Variants in GPHN observed in about 807,000 individuals in gnomAD.
GPHN encodes gephyrin.
A neutral mutation model predicts 95.5 loss-of-function variants in GPHN; 17 were observed. The observed-to-expected ratio is 0.18, with a 90% CI of 0.12 to 0.27. GPHN has a LOEUF of 0.27. Among genes scored for constraint, GPHN ranks in the 10% least tolerant of loss-of-function variants. GPHN has a pLI of 1.00. For synonymous variants in GPHN, 320 were observed against 322.5 expected, an observed-to-expected ratio of 0.99 and a Z score of 0.08; for missense variants, 660 against 978.1, an observed-to-expected ratio of 0.67 and a Z score of 4.34.
the GPHN span, among the ~76,000 whole-genome samples, chr14:67,496,421 T>TTTTTTTG: frequency 8.5e-6 from 1 of 117,498 alleles, no homozygotes; most frequent in African/African-American, 3.5e-5. Flanking sequence ...TTTTTTTTTT[T>TTTTTTTG]GAGACAGGGT....
At chr14:67,695,431 T>C in the GPHN span, among the ~76,000 whole-genome samples, 3 of 152,080 alleles carry the variant, frequency 2.0e-5, no homozygotes, top group East Asian at 1.9e-4. Flanking sequence ...ACTGCCGCCC[T>C]TTCTCACCGC....
chr14:67,674,445 G>C, the GPHN span: 1 of 1,609,396 alleles, frequency 6.2e-7, no homozygotes, highest in East Asian at 2.2e-5. Context: ...GGAAGATCTC[G>C]TGCAGCTTCT....
At chr14:67,387,462 C>CAAAAAAAA in the GPHN span, 1 of 1,595,658 alleles carries the variant, frequency 6.3e-7, no homozygotes, top group Non-Finnish European at 8.5e-7. Context: ...AACCCCTAGG[C>CAAAAAAAA]AGAAAAAAGG....
intron 10 of GPHN, among the ~76,000 whole-genome samples, chr14:67,056,027 C>T (rs1179913582): frequency 2.0e-5 from 3 of 152,178 alleles, no homozygotes; most frequent in Non-Finnish European, 2.9e-5. Flanking sequence ...AAAGGCAGCA[C>T]GGACCCAAAG....
At chr14:66,522,420 G>A (rs1164934744) in intron 1 of GPHN, among the ~76,000 whole-genome samples, 1 of 152,166 alleles carries the variant, frequency 6.6e-6, no homozygotes, top group Non-Finnish European at 1.5e-5. Flanking sequence ...TCAAATAAAT[G>A]TGGAAAGTGC....
intron 9 of GPHN, among the ~76,000 whole-genome samples, chr14:66,976,028 C>T (rs2070195016): frequency 6.6e-6 from 1 of 152,086 alleles, no homozygotes; most frequent in South Asian, 2.1e-4. Flanking sequence ...TATTTTTAAG[C>T]CCTTCTCTCT....
chr14:67,023,767 G>A (rs1829464031), intron 10 of GPHN, 92 bp downstream of exon 10: 2 of 1,025,756 alleles, frequency 1.9e-6, no homozygotes, highest in South Asian at 1.3e-5. Flanking sequence ...AAAAGCAATG[G>A]GGAATATTTA....
intron 2 of GPHN, among the ~76,000 whole-genome samples, chr14:66,694,384 T>C (rs1416857800): frequency 1.3e-5 from 2 of 152,240 alleles, no homozygotes; most frequent in East Asian, 1.9e-4. Flanking sequence ...CAGTCCATGG[T>C]ATTTTTTAAA....
chr14:67,640,000 A>G, the GPHN span, among the ~76,000 whole-genome samples: 2 of 151,288 alleles, frequency 1.3e-5, no homozygotes, highest in African/African-American at 4.8e-5. Flanking sequence ...AAGACTTGAT[A>G]TTGACTTGAA....
At chr14:67,345,427 C>T in the GPHN span, among the ~76,000 whole-genome samples, 4 of 151,438 alleles carry the variant, frequency 2.6e-5, no homozygotes, top group Non-Finnish European at 5.9e-5. Context: ...CATGGTGGCA[C>T]ATGTCTGTAA....
the GPHN span, among the ~76,000 whole-genome samples, chr14:67,387,707 C>T: frequency 3.4e-4 from 51 of 152,200 alleles, no homozygotes; most frequent in Non-Finnish European, 6.3e-4. Context: ...TGCCTGCTCC[C>T]TATGCTCAAG....
intron 1 of GPHN, among the ~76,000 whole-genome samples, chr14:66,589,499 C>T (rs984087294): frequency 5.3e-5 from 8 of 150,704 alleles, no homozygotes; most frequent in African/African-American, 1.5e-4. Context: ...TGATCTCAAT[C>T]CTAGTCTCTG....
the GPHN span, among the ~76,000 whole-genome samples, chr14:67,411,064 C>A: frequency 6.7e-6 from 1 of 148,822 alleles, no homozygotes; most frequent in African/African-American, 2.5e-5. Flanking sequence ...AGAGGACCAC[C>A]TGAGCCTGGG....
At position 67,159,418 on chromosome 14, in the gene GPHN, T is replaced by C; in HGVS notation, c.1840T>C (p.Tyr614His). The C allele has an allele frequency of 1.3e-6, 2 of 1,582,562 alleles. No homozygotes were observed. Among genetic ancestry groups the C allele is most frequent in the Non-Finnish European group, 1.7e-6 (2 of 1,151,294 alleles). ...TGATTATTTTTAATGTTTGCAGGAC[T>C]ATCTCAAGCAGGTGCTGGACATTGA... ...SGGVSMGEKD[Y>H]LKQVLDIDLH... is the part of the protein sequence containing the mutation. Residue 614 changes from tyrosine (Y) to histidine (H), a missense_variant, in exon 19 of 23, where the codon TAT becomes CAT. This residue lies in a region of GPHN where 257 missense variants were observed against 376.2 expected (regional missense o/e 0.68). Transcript: ENST00000478722.
intron 17 of GPHN, among the ~76,000 whole-genome samples, chr14:67,123,689 G>A (rs1336125973): frequency 6.6e-6 from 1 of 152,054 alleles, no homozygotes; most frequent in African/African-American, 2.4e-5. Context: ...AAATAAATAA[G>A]TAAACAAATT....
At chr14:66,629,725 G>A (rs1456343991) in intron 1 of GPHN, among the ~76,000 whole-genome samples, 3 of 152,050 alleles carry the variant, frequency 2.0e-5, no homozygotes, top group African/African-American at 7.2e-5. Flanking sequence ...GCTACTTTAT[G>A]ATGGCTATGA....
At chr14:66,855,096 C>T (rs540299114) in intron 4 of GPHN, among the ~76,000 whole-genome samples, 17 of 152,220 alleles carry the variant, frequency 1.1e-4, no homozygotes, top group African/African-American at 4.1e-4. Flanking sequence ...ATCTGCCCAC[C>T]GCAGCCTCCC....
intron 1 of GPHN, among the ~76,000 whole-genome samples, chr14:66,562,232 T>G (rs1422014359): frequency 6.6e-6 from 1 of 152,172 alleles, no homozygotes; most frequent in African/African-American, 2.4e-5. Context: ...CAGATTAAGT[T>G]TCAGTTAGAT....
chr14:66,769,363 A>G (rs10142174), intron 2 of GPHN, among the ~76,000 whole-genome samples: 46,225 of 151,876 alleles, frequency 0.3, 11,508 homozygotes, highest in African/African-American at 0.66. Context: ...ACATGTTCAG[A>G]TTTGTTATAC....
Sources: allele counts gnomAD v4.1 joint callset (sites outside exome capture counted in the v4.1 genomes callset), GRCh38; gene constraint gnomAD v4.1.1; regional missense constraint gnomAD v4.1.1; transcripts MANE v1.5; gene names NCBI Gene and HGNC (gene_info 2026-07-23, HGNC 2026-07-21).